Variants in NANP observed in about 807,000 individuals in gnomAD.
NANP encodes the protein N-acylneuraminate-9-phosphatase.
A neutral mutation model predicts 16.9 loss-of-function variants in NANP; 15 were observed. The observed-to-expected ratio is 0.89, with a 90% CI of 0.59 to 1.37. The LOEUF is 1.37. Ranked by LOEUF, NANP falls within the 40% of genes most tolerant of loss-of-function variation. The pLI, the probability that NANP is intolerant of heterozygous loss-of-function variation, is 0.00. For missense variants in NANP, 290 were observed against 303.5 expected, an observed-to-expected ratio of 0.96 and a Z score of 0.33; for synonymous variants, 135 against 112.6, an observed-to-expected ratio of 1.20 and a Z score of -1.26.
In NANP at chr20:25,614,008, G is replaced by A; in HGVS notation, c.*1917C>T. On this transcript the variant is annotated 3_prime_UTR_variant, in exon 2 of 2. Transcript: ENST00000304788. ...CTTAATTTTTAAATAGCTAAAATAT[G>A]ATCAAGGTCATATGGGTACTGCATT... The A allele has an allele frequency of 2.5e-6, 1 of 395,398 alleles. No individual in the cohort carries two copies. Among genetic ancestry groups the A allele is most frequent in the Non-Finnish European group, 4.5e-6 (1 of 224,528 alleles). The allele number at this position is 395,398 out of a possible 1,614,324, so 24.5% of individuals were successfully genotyped here.
rs190661095 is a variant in NANP at position 25,613,364 on chromosome 20, A to G, written c.*2561T>C. ...TGAGATGTTCGTGCCTTGTATGTGG[A>G]GGTGCACATGGAACCAAACCTCCCC... On this transcript the variant is annotated 3_prime_UTR_variant, in exon 2 of 2. Coordinates refer to ENST00000304788, the MANE Select transcript of NANP (RefSeq NM_152667.3). 1 of 153,078 alleles carries G rather than the reference A, an allele frequency of 6.5e-6. No individual in the cohort carries two copies. The highest frequency in any genetic ancestry group is 6.5e-5 in the Admixed American group (1 of 15,308). 9.5% of individuals were successfully genotyped at this position (153,078 alleles called of 1,614,324 possible).
rs773837335 is a variant in NANP at position 25,616,372 on chromosome 20, C to A, written c.300G>T (p.Trp100Cys). The A allele has an allele frequency of 1.9e-6, 3 of 1,613,884 alleles. No homozygotes were observed. In the African/African-American group the frequency reaches 4.0e-5, roughly 22 times the overall value. Residue 100 changes from tryptophan to cysteine, a missense_variant, in exon 2 of 2, where the codon TGG becomes TGT. Physicochemically the swap from Trp to Cys is radical, Grantham distance 215. Transcript: ENST00000304788. ...RKLAEECYFLWKSTRLQHMTL... is the reference protein window; with the variant it reads ...RKLAEECYFLCKSTRLQHMTL... ...TCATATGCTGTAAACGTGTAGATTT[C>A]CAAAGGAAATAACATTCTTCAGCCA...
At chr20:25,618,919 G>T (rs2065354064) in intron 1 of NANP, among the ~76,000 whole-genome samples, 1 of 152,074 alleles carries the variant, frequency 6.6e-6, no homozygotes, top group Non-Finnish European at 1.5e-5. Flanking sequence ...GTGTTCAGGT[G>T]AGCACCTGAA....
At position 25,614,534 on chromosome 20, in the gene NANP, T is replaced by A. The variant is rs1036186589; in HGVS notation, c.*1391A>T. ...ATGTAGCCATTAATTATTAAGCTCC[T>A]GGTAAACCCTGAATTAGATATAGAA... is the stretch of plus-strand genomic sequence containing the variant. On this transcript the variant is annotated 3_prime_UTR_variant, in exon 2 of 2. Coordinates refer to ENST00000304788, the MANE Select transcript of NANP (RefSeq NM_152667.3). 1 of 151,442 alleles carries A rather than the reference T, an allele frequency of 6.6e-6. No homozygotes were observed. Among genetic ancestry groups the A allele is most frequent in the Non-Finnish European group, 1.5e-5 (1 of 68,042 alleles). The allele number at this position is 151,442 out of a possible 1,614,324, so 9.4% of individuals were successfully genotyped here.
intron 1 of NANP, among the ~76,000 whole-genome samples, chr20:25,622,339 T>C (rs1032748819): frequency 6.6e-6 from 1 of 152,222 alleles, no homozygotes; most frequent in Admixed American, 6.5e-5. Context: ...GAGTGGACAC[T>C]GCAACCATGG....
At chr20:25,621,044 A>C (rs952987498) in intron 1 of NANP, among the ~76,000 whole-genome samples, 6 of 152,090 alleles carry the variant, frequency 3.9e-5, no homozygotes, top group Non-Finnish European at 7.4e-5. Flanking sequence ...TGCTATCCCT[A>C]CTGAAATCAA....
rs963712909 is a variant in NANP, at chr20:25,614,042, C to T, written c.*1883G>A. The stretch of plus-strand genomic sequence containing the variant: ...CATATGGGTACTGCATTTGAAACTA[C>T]AAACATCCTCTGTTCACAAATGTTC... On this transcript the variant is annotated 3_prime_UTR_variant, in exon 2 of 2. Coordinates refer to ENST00000304788, the MANE Select transcript of NANP (RefSeq NM_152667.3). 4 of 390,730 alleles carry T rather than the reference C, an allele frequency of 1.0e-5. No homozygotes were observed. In the South Asian group the frequency reaches 5.7e-4, roughly 56 times the overall value. 24.2% of individuals were successfully genotyped at this position (390,730 alleles called of 1,614,324 possible).
chr20:25,622,018 TTAG>T (rs1391736139), intron 1 of NANP, among the ~76,000 whole-genome samples: 1 of 152,232 alleles, frequency 6.6e-6, no homozygotes, highest in African/African-American at 2.4e-5. Flanking sequence ...AGCTCACTAT[TTAG>T]TAGTAGGCAC....
At position 25,614,630 on chromosome 20, in the gene NANP, A is replaced by C. The variant is rs1294226895; in HGVS notation, c.*1295T>G. 3 of 152,236 alleles carry C rather than the reference A, an allele frequency of 2.0e-5. No individual in the cohort carries two copies. The highest frequency in any genetic ancestry group is 4.8e-5 in the African/African-American group (2 of 41,468). The allele number at this position is 152,236 out of a possible 1,614,324, so 9.4% of individuals were successfully genotyped here. On this transcript the variant is annotated 3_prime_UTR_variant, in exon 2 of 2. Transcript: ENST00000304788. ...AAATTTAAGGCAGATGGTAACTCTA[A>C]GAAGAGTCACACGAGTATTAAATTG...
intron 1 of NANP, among the ~76,000 whole-genome samples, chr20:25,616,870 T>C (rs1325438359): frequency 6.6e-6 from 1 of 152,176 alleles, no homozygotes; most frequent in Non-Finnish European, 1.5e-5. Context: ...TTCATTCTGG[T>C]CATGAAGATA....
chr20:25,623,058 G>A (rs1372121562), intron 1 of NANP, among the ~76,000 whole-genome samples: 2 of 152,242 alleles, frequency 1.3e-5, no homozygotes, highest in African/African-American at 2.4e-5. Context: ...AAGAGGACGG[G>A]GCGCTCAGGT....
chr20:25,622,900 G>C (rs966702675), intron 1 of NANP, among the ~76,000 whole-genome samples: 2 of 152,210 alleles, frequency 1.3e-5, no homozygotes, highest in African/African-American at 4.8e-5. Context: ...ACAGCAGGAA[G>C]AATAGCCCAA....
chr20:25,613,835 G>A lies in NANP; in HGVS notation c.*2090C>T, dbSNP rs905171258. 10 of 398,446 alleles carry A rather than the reference G, an allele frequency of 2.5e-5. No individual in the cohort carries two copies. Among genetic ancestry groups the A allele is most frequent in the African/African-American group, 2.1e-4 (10 of 48,608 alleles). 24.7% of individuals were successfully genotyped at this position (398,446 alleles called of 1,614,324 possible). A position where few individuals can be genotyped will look rare whatever the true frequency, so the allele number is the denominator to read the frequency against. On this transcript the variant is annotated 3_prime_UTR_variant, in exon 2 of 2. Transcript: ENST00000304788. Reference sequence around the variant, plus strand: ...TGAGATTTGCTACCATGATACAGGAGTGATGAACCTTCACTCTCAGCATAA... The same window carrying A: ...TGAGATTTGCTACCATGATACAGGAATGATGAACCTTCACTCTCAGCATAA...
At chr20:25,619,014 A>G (rs2065354519) in intron 1 of NANP, among the ~76,000 whole-genome samples, 2 of 152,172 alleles carry the variant, frequency 1.3e-5, no homozygotes, top group Admixed American at 1.3e-4. Context: ...GGGACTAGGG[A>G]ATAAACAGTA....
At chr20:25,622,163 T>C (rs1414413799) in intron 1 of NANP, among the ~76,000 whole-genome samples, 2 of 152,228 alleles carry the variant, frequency 1.3e-5, no homozygotes, top group African/African-American at 2.4e-5. Context: ...TTTAAAAATA[T>C]TGCTGTGGCA....
At chr20:25,619,132 T>G in intron 1 of NANP, among the ~76,000 whole-genome samples, 1 of 151,154 alleles carries the variant, frequency 6.6e-6, no homozygotes. Context: ...TTTTTTTTTT[T>G]TTTTTTTCCC....
At chr20:25,617,454 T>G (rs954871340) in intron 1 of NANP, among the ~76,000 whole-genome samples, 1 of 152,132 alleles carries the variant, frequency 6.6e-6, no homozygotes, top group Non-Finnish European at 1.5e-5. Flanking sequence ...TCAAGTGATC[T>G]GCCTGCCTCG....
intron 1 of NANP, among the ~76,000 whole-genome samples, chr20:25,621,881 A>G (rs1391451305): frequency 6.6e-6 from 1 of 152,226 alleles, no homozygotes. Context: ...AATGATTTGT[A>G]ATTATAAAGG....
chr20:25,622,932 C>CT (rs1019191104), intron 1 of NANP, among the ~76,000 whole-genome samples: 1 of 152,120 alleles, frequency 6.6e-6, no homozygotes, highest in African/African-American at 2.4e-5. Context: ...CTTTTTACAG[C>CT]TTTTTTAAAA....
Sources: allele counts gnomAD v4.1 joint callset (sites outside exome capture counted in the v4.1 genomes callset), GRCh38; gene constraint gnomAD v4.1.1; transcripts MANE v1.5; gene names NCBI Gene and HGNC (gene_info 2026-07-23, HGNC 2026-07-21).